Variants in PCDHGA6 observed in about 807,000 individuals in gnomAD.
PCDHGA6 encodes protocadherin gamma-A6.
A neutral mutation model predicts 60.6 loss-of-function variants in PCDHGA6; 41 were observed. The ratio of observed to expected loss-of-function variants is 0.68; its 90% CI spans 0.53 to 0.88. PCDHGA6 has a LOEUF of 0.88. Ranked by LOEUF, PCDHGA6 falls within the 40% of genes least tolerant of loss-of-function variation. The pLI is 0.00. For synonymous variants in PCDHGA6, 594 were observed against 524.4 expected, an observed-to-expected ratio of 1.13 and a Z score of -1.81; for missense variants, 1,312 against 1,203.0, an observed-to-expected ratio of 1.09 and a Z score of -1.34.
chr5:141,480,914 G>A (rs959577133), intron 1 of PCDHGA6, among the ~76,000 whole-genome samples: 18 of 151,978 alleles, frequency 1.2e-4, no homozygotes, highest in South Asian at 4.2e-4. Flanking sequence ...GCATGGTGGC[G>A]CATACCTGTA....
intron 1 of PCDHGA6, chr5:141,428,257 G>A: frequency 1.2e-6 from 1 of 865,864 alleles, no homozygotes; most frequent in Non-Finnish European, 1.9e-6. Context: ...AGACTTCAGT[G>A]ACAGTCCTGT....
intron 1 of PCDHGA6, chr5:141,383,195 G>C: frequency 2.5e-6 from 4 of 1,614,044 alleles, no homozygotes; most frequent in Non-Finnish European, 3.4e-6. Flanking sequence ...TGCGCTCAGA[G>C]TGCGCGGTGT....
chr5:141,398,525 T>A, intron 1 of PCDHGA6: 1 of 1,613,440 alleles, frequency 6.2e-7, no homozygotes, highest in Non-Finnish European at 8.5e-7. Flanking sequence ...ACGCCAAAAT[T>A]CACGCAAAAT....
intron 1 of PCDHGA6, chr5:141,397,962 A>T: frequency 1.9e-6 from 2 of 1,037,030 alleles, no homozygotes; most frequent in Admixed American, 2.9e-5. Context: ...CCCAGCTCAG[A>T]CTCCCCAGCG....
Position 141,374,993 on chromosome 5 carries a change from TC to T in PCDHGA6, c.911del (p.Ser304LeufsTer4). 1 of 1,614,056 alleles carries T rather than the reference TC, an allele frequency of 6.2e-7. No individual in the cohort carries two copies. Among genetic ancestry groups the T allele is most frequent in the Non-Finnish European group, 8.5e-7 (1 of 1,179,908 alleles). On this transcript the variant is annotated frameshift_variant, in exon 1 of 4. Coordinates refer to ENST00000517434, the MANE Select transcript of PCDHGA6 (RefSeq NM_018919.3). LOFTEE classifies it high-confidence loss of function. The part of the protein sequence containing the change: ...LNVLTGEIST[S>X]ANLDYEDSSF... The stretch of plus-strand genomic sequence containing the variant: ...TGTTTTGACTGGAGAAATTTCAACT[TC>T]TGCAAATCTAGACTATGAGGACTCG...
chr5:141,422,580 C>T (rs1310564205), intron 1 of PCDHGA6: 10 of 1,613,934 alleles, frequency 6.2e-6, no homozygotes, highest in Non-Finnish European at 8.5e-6. Flanking sequence ...ATAACCCTCC[C>T]GTTTTTCCTC....
At chr5:141,430,786 C>G (rs992448490) in intron 1 of PCDHGA6, 1 of 1,513,352 alleles carries the variant, frequency 6.6e-7, no homozygotes, top group Non-Finnish European at 8.8e-7. Context: ...TGCACCGGGA[C>G]TACAAAGGGC....
At position 141,486,028 on chromosome 5, in the gene PCDHGA6, C is replaced by T; in HGVS notation, c.2425-8779C>T. On this transcript the variant is annotated intron_variant, in intron 1 of 3. Transcript: ENST00000517434. This position sits in a 1 kb window ranked among gnomAD's most constrained non-coding sequence, Gnocchi z 5.0. ...TCACCTTTTATTTCAGTGGTCATAC[C>T]CCTGATCGTGTAAGAAACCTCTTTA... The T allele has an allele frequency of 6.2e-7, 1 of 1,614,134 alleles. No individual in the cohort carries two copies. Among genetic ancestry groups the T allele is most frequent in the Non-Finnish European group, 8.5e-7 (1 of 1,180,020 alleles).
chr5:141,410,909 A>G lies in PCDHGA6; in HGVS notation c.2424+34402A>G, dbSNP rs183334545. Reference sequence around the variant, plus strand: ...CGCACTGTTGCCTAGGCTGGAGTGCAGTGGCGTGATCTCTGCTCACTGCAA... The same window carrying G: ...CGCACTGTTGCCTAGGCTGGAGTGCGGTGGCGTGATCTCTGCTCACTGCAA... On this transcript the variant is annotated intron_variant, in intron 1 of 3. Coordinates refer to ENST00000517434, the MANE Select transcript of PCDHGA6 (RefSeq NM_018919.3). 188 of 259,978 alleles carry G rather than the reference A, an allele frequency of 7.2e-4. 1 individual carries two copies. Among genetic ancestry groups the G allele is most frequent in the African/African-American group, 5.3e-3 (172 of 32,394 alleles). The allele number at this position is 259,978 out of a possible 1,614,324, so 16.1% of individuals were successfully genotyped here.
intron 1 of PCDHGA6, chr5:141,383,556 C>G: frequency 6.2e-7 from 1 of 1,612,766 alleles, no homozygotes; most frequent in Non-Finnish European, 8.5e-7. Flanking sequence ...ATGGCGGCGA[C>G]CCGCCCCGAT....
chr5:141,494,037 T>C (rs2099751443), intron 1 of PCDHGA6, among the ~76,000 whole-genome samples: 1 of 152,146 alleles, frequency 6.6e-6, no homozygotes, highest in South Asian at 2.1e-4. Context: ...GAGACTTAGT[T>C]GGCCCTGCTT....
intron 1 of PCDHGA6, chr5:141,468,682 C>A (rs377685711): frequency 4.6e-5 from 7 of 151,296 alleles, no homozygotes; most frequent in African/African-American, 1.7e-4. Context: ...CTGGCTAACA[C>A]GGTGAAACCC....
intron 1 of PCDHGA6, chr5:141,396,168 T>C (rs2093349513): frequency 2.0e-5 from 3 of 152,184 alleles, no homozygotes; most frequent in Admixed American, 2.0e-4. Flanking sequence ...AGTTATTCAG[T>C]CTTGGCTGGA....
intron 1 of PCDHGA6, among the ~76,000 whole-genome samples, chr5:141,462,355 A>T (rs1592773702): frequency 6.6e-6 from 1 of 152,226 alleles, no homozygotes; most frequent in East Asian, 1.9e-4. Context: ...AAAAATATAC[A>T]TTGTATAGTT....
chr5:141,384,410 A>G, intron 1 of PCDHGA6: 1 of 1,613,844 alleles, frequency 6.2e-7, no homozygotes, highest in Non-Finnish European at 8.5e-7. Flanking sequence ...GTGTCCTCCT[A>G]TGTCTCCATA....
intron 1 of PCDHGA6, chr5:141,385,170 C>A (rs1561606866): frequency 4.3e-6 from 7 of 1,614,212 alleles, no homozygotes; most frequent in Non-Finnish European, 5.9e-6. Flanking sequence ...CCCATGAGGT[C>A]TCCCTCACCG....
intron 2 of PCDHGA6, among the ~76,000 whole-genome samples, chr5:141,500,027 G>C (rs1458308566): frequency 6.6e-6 from 1 of 151,808 alleles, no homozygotes; most frequent in Non-Finnish European, 1.5e-5. Flanking sequence ...ATATTTGAGT[G>C]AGTGTCTCTT....
chr5:141,383,137 C>T, intron 1 of PCDHGA6: 1 of 1,614,112 alleles, frequency 6.2e-7, no homozygotes, highest in Non-Finnish European at 8.5e-7. Context: ...CCTGAACCAG[C>T]GCAGCGGCAG....
chr5:141,444,467 G>A (rs1288596542), intron 1 of PCDHGA6, among the ~76,000 whole-genome samples: 3 of 151,998 alleles, frequency 2.0e-5, no homozygotes, highest in African/African-American at 4.8e-5. Flanking sequence ...CACTGCGCCC[G>A]GTCGCGTACT....
Sources: gnomAD v4.1 joint callset for allele counts (sites outside exome capture counted in the v4.1 genomes callset) on GRCh38, gnomAD v4.1.1 for gene constraint, Gnocchi (gnomAD v3.1) non-coding constraint, MANE v1.5 for transcripts, NCBI Gene and HGNC (gene_info 2026-07-23, HGNC 2026-07-21) for gene names.